Variants in GSAP observed in about 807,000 individuals in gnomAD.
GSAP encodes the protein gamma-secretase-activating protein.
A neutral mutation model predicts 131.7 loss-of-function variants in GSAP; 118 were observed. The observed-to-expected ratio is 0.90, with a 90% confidence interval of 0.77 to 1.04. The LOEUF is 1.04. Ranked by LOEUF, GSAP falls within the 50% of genes least tolerant of loss-of-function variation. The pLI is 0.00. For missense variants in GSAP, 1,019 were observed against 1,013.2 expected, an observed-to-expected ratio of 1.01 and a Z score of -0.08; for synonymous variants, 381 against 363.4, an observed-to-expected ratio of 1.05 and a Z score of -0.55.
At chr7:77,339,654 G>C (rs1584351228) in intron 19 of GSAP, among the ~76,000 whole-genome samples, 1 of 134,472 alleles carries the variant, frequency 7.4e-6, no homozygotes, top group Non-Finnish European at 1.6e-5. Context: ...AACGTGAGGA[G>C]AAAGAGGGAA....
intron 19 of GSAP, among the ~76,000 whole-genome samples, chr7:77,338,641 G>A (rs10226757): frequency 0.015 from 2,278 of 152,260 alleles, 60 homozygotes; most frequent in African/African-American, 0.051. Flanking sequence ...CATGTGGCGG[G>A]AGGGCAAGTT....
At chr7:77,390,289 T>C (rs1799268389) in intron 5 of GSAP, among the ~76,000 whole-genome samples, 1 of 152,242 alleles carries the variant, frequency 6.6e-6, no homozygotes, top group East Asian at 1.9e-4. Context: ...TTTAGTTTAA[T>C]TAGATCCCAT....
At chr7:77,325,221 A>G (rs983459831) in intron 23 of GSAP, among the ~76,000 whole-genome samples, 2 of 152,142 alleles carry the variant, frequency 1.3e-5, no homozygotes, top group Non-Finnish European at 2.9e-5. Flanking sequence ...TATTGTTGGC[A>G]TATCTAAACT....
intron 6 of GSAP, among the ~76,000 whole-genome samples, chr7:77,384,912 T>C (rs1798333686): frequency 6.6e-6 from 1 of 152,040 alleles, no homozygotes; most frequent in African/African-American, 2.4e-5. Context: ...GGCAGAGACA[T>C]GGGGGCAGAA....
chr7:77,375,451 A>C (rs7778686), intron 10 of GSAP, among the ~76,000 whole-genome samples: 19,034 of 152,256 alleles, frequency 0.13, 1,745 homozygotes, highest in East Asian at 0.45. Context: ...GGAAGGAAGG[A>C]AGGCCTGGGT....
At chr7:77,340,449 T>C (rs1790737339) in intron 19 of GSAP, among the ~76,000 whole-genome samples, 1 of 152,170 alleles carries the variant, frequency 6.6e-6, no homozygotes, top group East Asian at 1.9e-4. Context: ...CGTGAGGAGA[T>C]CTGCCTACAA....
chr7:77,360,610 C>T (rs1276256800), intron 14 of GSAP, among the ~76,000 whole-genome samples: 1 of 152,126 alleles, frequency 6.6e-6, no homozygotes, highest in African/African-American at 2.4e-5. Flanking sequence ...AAGATACAAC[C>T]CCCAACCCTT....
chr7:77,357,016 G>A (rs1278283103), intron 14 of GSAP, among the ~76,000 whole-genome samples: 1 of 152,154 alleles, frequency 6.6e-6, no homozygotes. Flanking sequence ...ACAATACAGT[G>A]GGACATAATG....
At chr7:77,413,374 T>C (rs915455661) in intron 1 of GSAP, among the ~76,000 whole-genome samples, 17 of 152,202 alleles carry the variant, frequency 1.1e-4, no homozygotes, top group Admixed American at 1.1e-3. Context: ...GCAGCCCTCT[T>C]GGCAGGCAAT....
At chr7:77,354,249 A>C (rs1470017857) in intron 16 of GSAP, among the ~76,000 whole-genome samples, 1 of 152,210 alleles carries the variant, frequency 6.6e-6, no homozygotes, top group African/African-American at 2.4e-5. Context: ...TAAGCTGTTT[A>C]ATTCAAAACC....
chr7:77,354,623 A>G (rs1019999968), intron 16 of GSAP, among the ~76,000 whole-genome samples: 3 of 152,084 alleles, frequency 2.0e-5, no homozygotes, highest in African/African-American at 4.8e-5. Context: ...GAGTCAAAAC[A>G]TGGGTGAATA....
chr7:77,349,338 G>C lies in GSAP; in HGVS notation c.1545+13C>G, dbSNP rs1792417743. ...TGTATCTGTACTTTTGTTTCTTGCT[G>C]TAAGGGACCTACCTTCATAAGAGGC... is the stretch of plus-strand genomic sequence containing the variant. On this transcript the variant is annotated intron_variant, in intron 19 of 30. Coordinates refer to ENST00000257626, the MANE Select transcript of GSAP (RefSeq NM_017439.4). 6.3e-7 allele frequency: 1 copy of C among 1,593,170 alleles called. No individual in the cohort carries two copies. Among genetic ancestry groups the C allele is most frequent in the South Asian group, 1.1e-5 (1 of 90,596 alleles).
chr7:77,412,677 G>A (rs1186117914), intron 1 of GSAP, among the ~76,000 whole-genome samples: 1 of 147,482 alleles, frequency 6.8e-6, no homozygotes, highest in African/African-American at 2.5e-5. Flanking sequence ...ACAAAAGGAT[G>A]AATAGACATT....
At position 77,387,380 on chromosome 7, in the gene GSAP, C is replaced by T; in HGVS notation, c.436G>A (p.Asp146Asn). ...CTTACCTGAACCCAAATATAGCTAT[C>T]CACAGCCTTTAGAACCTTCACATTG... ...VNNVKVLKAV[D>N]SYIWVQFLYP... The change falls in exon 6 of 31, where the codon GAT becomes AAT. Residue 146 changes from aspartate (D) to asparagine (N), a missense_variant. Asp to Asn is a conservative substitution (Grantham distance 23, BLOSUM62 1). Coordinates refer to ENST00000257626, the MANE Select transcript of GSAP (RefSeq NM_017439.4). The T allele has an allele frequency of 6.3e-7, 1 of 1,586,570 alleles. No homozygotes were observed. The highest frequency in any genetic ancestry group is 8.7e-7 in the Non-Finnish European group (1 of 1,154,856).
At chr7:77,367,412 G>A (rs1196175037) in intron 12 of GSAP, among the ~76,000 whole-genome samples, 1 of 152,206 alleles carries the variant, frequency 6.6e-6, no homozygotes, top group Admixed American at 6.5e-5. Context: ...TTTTTAACAT[G>A]AAGGGGTATT....
chr7:77,378,211 G>A (rs1024696628), intron 8 of GSAP, among the ~76,000 whole-genome samples: 1 of 152,222 alleles, frequency 6.6e-6, no homozygotes, highest in African/African-American at 2.4e-5. Context: ...GCTGGGCACA[G>A]TGGCTCATGC....
chr7:77,328,301 A>G, intron 22 of GSAP: 1 of 1,136,884 alleles, frequency 8.8e-7, no homozygotes, highest in Non-Finnish European at 1.1e-6. Context: ...GGAAATGCCA[A>G]AATGCATCCT....
intron 5 of GSAP, 35 bp from the exon 6 acceptor site, chr7:77,387,483 T>G: frequency 1.9e-6 from 2 of 1,078,144 alleles, no homozygotes; most frequent in Non-Finnish European, 2.9e-6. Flanking sequence ...TAACGAAGAT[T>G]GTAATATCAC....
rs771885798 is a variant in GSAP at position 77,355,624 on chromosome 7, G to A, written c.1051C>T (p.Pro351Ser). 3 of 1,597,330 alleles carry A rather than the reference G, an allele frequency of 1.9e-6. No individual in the cohort carries two copies. Among genetic ancestry groups the A allele is most frequent in the Non-Finnish European group, 2.6e-6 (3 of 1,164,960 alleles). The change falls in exon 15 of 31, where the codon CCT becomes TCT. Residue 351 changes from proline (P) to serine (S), a missense_variant. By Grantham distance (74) the Pro-to-Ser change is moderately conservative. Coordinates refer to ENST00000257626, the MANE Select transcript of GSAP (RefSeq NM_017439.4). Reference protein sequence around the residue: ...NLDYYVAVYLPGHFFHLLNVQ... With the variant: ...NLDYYVAVYLSGHFFHLLNVQ... ...TTAAGTAGGTGGAAGAAATGACCAG[G>A]TAAGTAAACAGCCACATAATAGTCT...
Sources: gnomAD v4.1 joint callset for allele counts (sites outside exome capture counted in the v4.1 genomes callset) on GRCh38, gnomAD v4.1.1 for gene constraint, MANE v1.5 for transcripts, NCBI Gene and HGNC (gene_info 2026-07-23, HGNC 2026-07-21) for gene names.